Variants in ADAMTSL1 observed in about 807,000 individuals in gnomAD.
ADAMTSL1 encodes ADAMTS like 1, also known as ADAMTS-like protein 1.
Under a neutral mutation model 201.8 loss-of-function variants are expected in ADAMTSL1, and 126 were observed. That is an observed-to-expected ratio of 0.62 (90% CI 0.54 to 0.72). The LOEUF is 0.72. Ranked by LOEUF, ADAMTSL1 falls within the 30% of genes least tolerant of loss-of-function variation. The pLI is 0.00. For synonymous variants in ADAMTSL1, 1,121 were observed against 903.4 expected (o/e 1.24, Z -4.32); for missense variants, 2,679 against 2,277.8 (o/e 1.18, Z -3.59).
At chr9:18,059,039 A>G (rs953147240) in intron 1 of ADAMTSL1, among the ~76,000 whole-genome samples, 27 of 152,206 alleles carry the variant, frequency 1.8e-4, no homozygotes, top group Non-Finnish European at 3.5e-4. Flanking sequence ...GTGTTTGCTT[A>G]AGATTAACCT....
chr9:18,203,138 T>C (rs1829516515), intron 2 of ADAMTSL1, among the ~76,000 whole-genome samples: 1 of 152,144 alleles, frequency 6.6e-6, no homozygotes, highest in Non-Finnish European at 1.5e-5. Flanking sequence ...GCCGTGCTCA[T>C]GCTCTGTTTA....
chr9:18,764,453 A>T (rs1383301756), intron 16 of ADAMTSL1, among the ~76,000 whole-genome samples: 1 of 152,186 alleles, frequency 6.6e-6, no homozygotes, highest in Non-Finnish European at 1.5e-5. Context: ...GGATAATTTG[A>T]CTTCTTTCTT....
chr9:18,071,406 A>G lies in ADAMTSL1; in HGVS notation c.88-92456A>G, dbSNP rs372605314. The stretch of plus-strand genomic sequence containing the variant: ...GGAACAACAGGGGTTCCTGCCTTGT[A>G]TAAAAGGATCTCCATGGTGAAGAAA... On this transcript the variant is annotated intron_variant, in intron 1 of 29. Coordinates refer to the ADAMTSL1 transcript ENST00000680146. Among the ~76,000 whole-genome samples, 243 of 152,330 alleles carry G rather than the reference A, an allele frequency of 1.6e-3. 7 individuals are homozygous for G. The South Asian group carries it at 0.05, about 31-fold the overall frequency.
chr9:18,693,380 G>A (rs918129204), intron 13 of ADAMTSL1, among the ~76,000 whole-genome samples: 1 of 152,188 alleles, frequency 6.6e-6, no homozygotes, highest in Non-Finnish European at 1.5e-5. Context: ...TACTGCATAA[G>A]TATAACTATA....
At chr9:18,177,126 G>T (rs1251860894) in intron 2 of ADAMTSL1, among the ~76,000 whole-genome samples, 1 of 152,172 alleles carries the variant, frequency 6.6e-6, no homozygotes, top group Non-Finnish European at 1.5e-5. Flanking sequence ...TTAGTAAATT[G>T]GTTTGAATGT....
intron 1 of ADAMTSL1, among the ~76,000 whole-genome samples, chr9:17,931,285 G>T (rs1345637069): frequency 6.6e-6 from 1 of 152,160 alleles, no homozygotes; most frequent in Non-Finnish European, 1.5e-5. Context: ...TGCACAGTTT[G>T]TGGCCTCTCT....
rs539618833 is a variant in ADAMTSL1, at chr9:18,720,079, G to A, written c.1877-1457G>A. 1.3e-3 allele frequency among the ~76,000 whole-genome samples: 201 copies of A among 152,310 alleles called. 2 individuals carry two copies. Among genetic ancestry groups the A allele is most frequent in the Admixed American group, 3.9e-3 (60 of 15,296 alleles). On this transcript the variant is annotated intron_variant, in intron 14 of 28. Coordinates refer to ENST00000380548, the MANE Select transcript of ADAMTSL1 (RefSeq NM_001040272.6). The stretch of plus-strand genomic sequence containing the variant: ...TGTATGTCTGAAGGCAAATTAGTGA[G>A]AATGTCCTGTCTTGCCTCTTCACTC...
chr9:18,562,209 C>T (rs1226072037), intron 3 of ADAMTSL1, among the ~76,000 whole-genome samples: 2 of 152,138 alleles, frequency 1.3e-5, no homozygotes, highest in Non-Finnish European at 2.9e-5. Flanking sequence ...TCTTTTAGGG[C>T]AGGCCTGGTG....
At chr9:18,039,400 A>T (rs967571407) in intron 1 of ADAMTSL1, among the ~76,000 whole-genome samples, 5 of 152,118 alleles carry the variant, frequency 3.3e-5, no homozygotes, top group East Asian at 1.9e-4. Context: ...GACTGTTTTT[A>T]AAAAAATAAT....
chr9:18,723,475 T>C, intron 15 of ADAMTSL1: 1 of 209,180 alleles, frequency 4.8e-6, no homozygotes, highest in Non-Finnish European at 9.7e-6. Flanking sequence ...CATGAGATGT[T>C]ACTTCTCATT....
chr9:18,005,772 G>A (rs188643940), intron 1 of ADAMTSL1, among the ~76,000 whole-genome samples: 3 of 151,934 alleles, frequency 2.0e-5, no homozygotes, highest in Admixed American at 2.0e-4. Context: ...TGGATCTTTG[G>A]CACATCACCT....
chr9:18,552,383 T>C (rs1455286717), intron 3 of ADAMTSL1, among the ~76,000 whole-genome samples: 1 of 151,854 alleles, frequency 6.6e-6, no homozygotes. Context: ...ACATGGGGCA[T>C]TTACATTTTT....
chr9:18,382,850 G>A (rs1022214576), intron 2 of ADAMTSL1, among the ~76,000 whole-genome samples: 1 of 152,142 alleles, frequency 6.6e-6, no homozygotes, highest in Non-Finnish European at 1.5e-5. Flanking sequence ...ACAGCTCTGC[G>A]AGTCTGGTCC....
chr9:18,839,021 T>C (rs1440482680), intron 23 of ADAMTSL1, among the ~76,000 whole-genome samples: 2 of 41,724 alleles, frequency 4.8e-5, no homozygotes, highest in African/African-American at 2.9e-4. Context: ...CAGCACACTC[T>C]CCTTTTTTTT....
chr9:18,250,032 T>C (rs1312962157), intron 2 of ADAMTSL1, among the ~76,000 whole-genome samples: 1 of 152,240 alleles, frequency 6.6e-6, no homozygotes, highest in East Asian at 1.9e-4. Context: ...TCTAATTTCC[T>C]GCCCCTTTGT....
intron 25 of ADAMTSL1, 40 bp from the exon 26 acceptor site, chr9:18,892,349 G>T (rs1204645837): frequency 2.5e-6 from 4 of 1,582,398 alleles, no homozygotes; most frequent in Non-Finnish European, 2.6e-6. Flanking sequence ...CCCAGGGCCT[G>T]TCCCTTTAGG....
intron 1 of ADAMTSL1, among the ~76,000 whole-genome samples, chr9:17,945,482 T>G (rs9406739): frequency 1.3e-5 from 2 of 150,898 alleles, no homozygotes; most frequent in Non-Finnish European, 2.9e-5. Context: ...ACCCAAAGGA[T>G]TATAAATCAT....
intron 2 of ADAMTSL1, among the ~76,000 whole-genome samples, chr9:18,423,908 A>C (rs1230156111): frequency 6.6e-6 from 1 of 152,240 alleles, no homozygotes; most frequent in Non-Finnish European, 1.5e-5. Context: ...TGAGATTAAG[A>C]TAAATATGTG....
chr9:18,423,506 A>G (rs1458903695), intron 2 of ADAMTSL1, among the ~76,000 whole-genome samples: 8 of 152,194 alleles, frequency 5.3e-5, no homozygotes, highest in Non-Finnish European at 1.0e-4. Context: ...CATTTAAGTG[A>G]ATATGTATTC....
Sources: gnomAD v4.1 joint callset for allele counts (sites outside exome capture counted in the v4.1 genomes callset) on GRCh38, gnomAD v4.1.1 for gene constraint, MANE v1.5 for transcripts, NCBI Gene and HGNC (gene_info 2026-07-23, HGNC 2026-07-21) for gene names.